Variants in NCALD observed in about 807,000 individuals in gnomAD.
NCALD encodes neurocalcin delta.
Under a neutral mutation model 18.6 loss-of-function variants are expected in NCALD, and 10 were observed. That is an observed-to-expected ratio of 0.54 (90% CI 0.33 to 0.91). The LOEUF (loss-of-function observed/expected upper bound fraction) is 0.91, where lower values mean the gene tolerates loss of function less well. NCALD is among the 40% of genes least tolerant of loss of function. The pLI, the probability that NCALD is intolerant of heterozygous loss-of-function variation, is 0.03. For missense variants in NCALD, 184 were observed against 247.6 expected (o/e 0.74, Z 1.72); for synonymous variants, 88 against 87.4 (o/e 1.01, Z -0.04).
intron 1 of NCALD, among the ~76,000 whole-genome samples, chr8:101,729,371 C>T (rs1563704207): frequency 6.6e-6 from 1 of 152,238 alleles, no homozygotes; most frequent in South Asian, 2.1e-4. Context: ...TCTCTCCTCT[C>T]GCCTCTGCTA....
At chr8:101,962,391 T>C (rs1819867251) in intron 2 of NCALD, among the ~76,000 whole-genome samples, 1 of 152,234 alleles carries the variant, frequency 6.6e-6, no homozygotes, top group Non-Finnish European at 1.5e-5. Context: ...CAGCTTGCTT[T>C]CATTTCTTGA....
chr8:102,066,581 T>C (rs1824015771), intron 1 of NCALD, among the ~76,000 whole-genome samples: 1 of 152,168 alleles, frequency 6.6e-6, no homozygotes, highest in East Asian at 1.9e-4. Flanking sequence ...TTTAAAAGAA[T>C]ACAACTTGTG....
chr8:102,061,110 G>C (rs932567768), intron 1 of NCALD, among the ~76,000 whole-genome samples: 2 of 152,166 alleles, frequency 1.3e-5, no homozygotes, highest in Non-Finnish European at 2.9e-5. Flanking sequence ...AGATAAAGCA[G>C]AGGTTCTGGA....
intron 3 of NCALD, among the ~76,000 whole-genome samples, chr8:101,903,060 G>A (rs79065017): frequency 0.036 from 5,514 of 152,218 alleles, 205 homozygotes; most frequent in African/African-American, 0.1. Flanking sequence ...CTGCTTATGC[G>A]TGCTCCTTCC....
chr8:102,066,379 C>T (rs1824009127), intron 1 of NCALD, among the ~76,000 whole-genome samples: 1 of 152,198 alleles, frequency 6.6e-6, no homozygotes, highest in East Asian at 1.9e-4. Flanking sequence ...ATCTCTAATA[C>T]CATCTAGCAG....
chr8:101,929,744 T>C (rs775855350), intron 2 of NCALD, among the ~76,000 whole-genome samples: 5 of 151,736 alleles, frequency 3.3e-5, no homozygotes, highest in Admixed American at 2.0e-4. Flanking sequence ...GGTCTGAGCT[T>C]ATACAAATAC....
chr8:101,835,776 C>T (rs1014773766), intron 4 of NCALD, among the ~76,000 whole-genome samples: 4 of 151,888 alleles, frequency 2.6e-5, no homozygotes, highest in African/African-American at 9.7e-5. Flanking sequence ...AGGGGTGGTC[C>T]CTGACTCAGT....
At chr8:102,058,005 T>A (rs919353604) in intron 1 of NCALD, among the ~76,000 whole-genome samples, 5 of 152,210 alleles carry the variant, frequency 3.3e-5, no homozygotes, top group African/African-American at 1.2e-4. Flanking sequence ...TGATGAGCAT[T>A]TGAAGATGCA....
At chr8:101,889,275 T>C (rs1816786846) in intron 3 of NCALD, among the ~76,000 whole-genome samples, 1 of 152,224 alleles carries the variant, frequency 6.6e-6, no homozygotes, top group Admixed American at 6.5e-5. Flanking sequence ...TGCCTGCTTC[T>C]AGGCTGTTAC....
chr8:101,762,972 G>A (rs1473136681), intron 1 of NCALD, among the ~76,000 whole-genome samples: 1 of 152,118 alleles, frequency 6.6e-6, no homozygotes, highest in Non-Finnish European at 1.5e-5. Context: ...TACTGTTTTA[G>A]GATAGCTTTA....
chr8:101,767,791 A>T (rs1030683886), intron 1 of NCALD, among the ~76,000 whole-genome samples: 4 of 152,184 alleles, frequency 2.6e-5, no homozygotes, highest in Non-Finnish European at 5.9e-5. Flanking sequence ...AGCCTCATGG[A>T]TTAACTGGGG....
intron 2 of NCALD, among the ~76,000 whole-genome samples, chr8:101,930,589 CAGG>C (rs1157542224): frequency 3.5e-4 from 53 of 151,820 alleles, no homozygotes; most frequent in African/African-American, 1.2e-3. Context: ...AAATGGCAAG[CAGG>C]AGAAGGCCTA....
chr8:101,847,277 A>C (rs563505530), intron 4 of NCALD: 2 of 241,592 alleles, frequency 8.3e-6, no homozygotes, highest in East Asian at 1.0e-4. Flanking sequence ...TAATGTGCCA[A>C]TGTCGTAACA....
intron 4 of NCALD, among the ~76,000 whole-genome samples, chr8:101,818,499 G>C (rs746623889): frequency 5.9e-5 from 9 of 152,162 alleles, no homozygotes; most frequent in Non-Finnish European, 5.9e-5. Context: ...AGAACATTGA[G>C]AAGCCAAAAA....
chr8:101,846,258 C>T (rs563839911), intron 4 of NCALD, among the ~76,000 whole-genome samples: 2 of 152,154 alleles, frequency 1.3e-5, no homozygotes, highest in Admixed American at 6.5e-5. Flanking sequence ...TACTTTTTTC[C>T]GTAATGGGTA....
At chr8:101,766,618 T>A (rs1207125400) in intron 1 of NCALD, among the ~76,000 whole-genome samples, 1 of 152,178 alleles carries the variant, frequency 6.6e-6, no homozygotes, top group Admixed American at 6.5e-5. Context: ...AGATGGGGTC[T>A]GTCTGTCACC....
chr8:102,072,105 G>C (rs2132298054), intron 1 of NCALD, among the ~76,000 whole-genome samples: 1 of 152,208 alleles, frequency 6.6e-6, no homozygotes, highest in South Asian at 2.1e-4. Flanking sequence ...AAGACAATGG[G>C]CAAAAAACTT....
chr8:101,789,459 A>C (rs1812368527), intron 1 of NCALD, among the ~76,000 whole-genome samples: 2 of 152,196 alleles, frequency 1.3e-5, no homozygotes, highest in Admixed American at 1.3e-4. Context: ...AGCTACTGAG[A>C]AATTATTGAT....
chr8:101,690,288 C>T (rs1586207822), intron 3 of NCALD: 1 of 985,336 alleles, frequency 1.0e-6, no homozygotes, highest in East Asian at 1.1e-4. Context: ...GTCTACCCCG[C>T]CCCTGGGAGT....
Sources: gnomAD v4.1 joint callset for allele counts (sites outside exome capture counted in the v4.1 genomes callset) on GRCh38, gnomAD v4.1.1 for gene constraint, MANE v1.5 for transcripts, NCBI Gene and HGNC (gene_info 2026-07-23, HGNC 2026-07-21) for gene names.